The following AGAP1 variants were observed in gnomAD, a reference collection of about 807,000 sequenced individuals.
AGAP1 encodes arf-GAP with GTPase, ANK repeat and PH domain-containing protein 1.
In AGAP1, 29 loss-of-function variants were observed where a neutral mutation model predicts 105.3. The ratio of observed to expected loss-of-function variants is 0.28; its 90% CI spans 0.21 to 0.38. The LOEUF (loss-of-function observed/expected upper bound fraction) is 0.38. Among genes scored for constraint, AGAP1 ranks in the 10% least tolerant of loss-of-function variants. The pLI, the probability that AGAP1 is intolerant of heterozygous loss-of-function variation, is 1.00. For missense variants in AGAP1, 998 were observed against 1,165.1 expected (o/e 0.86, Z 2.09); for synonymous variants, 509 against 485.9 (o/e 1.05, Z -0.63).
chr2:235,938,938 G>GTAGA (rs2053121462), intron 12 of AGAP1, among the ~76,000 whole-genome samples: 1 of 152,146 alleles, frequency 6.6e-6, no homozygotes, highest in Non-Finnish European at 1.5e-5. Context: ...TAGAGATCTA[G>GTAGA]TCCATTTGGC....
Position 236,055,588 on chromosome 2 carries a change from C to T in AGAP1, c.2114+6307C>T, listed in dbSNP as rs572959684. On this transcript the variant is annotated intron_variant, in intron 16 of 17. Coordinates refer to ENST00000304032, the MANE Select transcript of AGAP1 (RefSeq NM_001037131.3). This position sits in a 1 kb window ranked among gnomAD's most constrained non-coding sequence, Gnocchi z 6.2. The stretch of plus-strand genomic sequence containing the variant: ...GCCTGCCCTGGCCCCAGCCGCAGAG[C>T]GGGTCCACCCTCCCAGTTTCCCCGT... Among the ~76,000 whole-genome samples, 4 of 152,394 alleles carry T rather than the reference C, an allele frequency of 2.6e-5. No individual in the cohort carries two copies. The highest frequency in any genetic ancestry group is 9.6e-5 in the African/African-American group (4 of 41,596).
chr2:235,952,058 T>A (rs571103973), intron 12 of AGAP1, among the ~76,000 whole-genome samples: 1 of 152,238 alleles, frequency 6.6e-6, no homozygotes, highest in Non-Finnish European at 1.5e-5. Flanking sequence ...ATCTTCTCAT[T>A]AACACCACAC....
At chr2:235,605,647 A>G (rs1329413604) in intron 1 of AGAP1, among the ~76,000 whole-genome samples, 1 of 152,254 alleles carries the variant, frequency 6.6e-6, no homozygotes, top group Non-Finnish European at 1.5e-5. Context: ...CAGGCACAGA[A>G]AAATTTAAGC....
At chr2:235,541,647 C>A (rs1386401075) in intron 1 of AGAP1, among the ~76,000 whole-genome samples, 1 of 152,056 alleles carries the variant, frequency 6.6e-6, no homozygotes, top group East Asian at 1.9e-4. Context: ...CCTCCGCCTC[C>A]CAAAGTGCTG....
chr2:235,764,637 C>T (rs1010341310), intron 6 of AGAP1, among the ~76,000 whole-genome samples: 1 of 152,162 alleles, frequency 6.6e-6, no homozygotes, highest in Non-Finnish European at 1.5e-5. Flanking sequence ...CATGTTCCCA[C>T]CCCTGATGGG....
intron 1 of AGAP1, among the ~76,000 whole-genome samples, chr2:235,628,222 A>T (rs1452892136): frequency 6.6e-6 from 1 of 152,126 alleles, no homozygotes; most frequent in Admixed American, 6.5e-5. Flanking sequence ...GCACCTGTGC[A>T]TTGCTGCCTA....
chr2:235,584,666 C>T (rs1277910185), intron 1 of AGAP1, among the ~76,000 whole-genome samples: 43 of 151,818 alleles, frequency 2.8e-4, no homozygotes, highest in Non-Finnish European at 4.4e-5. Context: ...GATTTTTGAA[C>T]TTCTGGCTTC....
At chr2:235,674,262 G>C (rs1004415714) in intron 1 of AGAP1, among the ~76,000 whole-genome samples, 2 of 152,234 alleles carry the variant, frequency 1.3e-5, no homozygotes, top group African/African-American at 4.8e-5. Flanking sequence ...AAGACCCTGT[G>C]TCAGATCAAG....
chr2:236,027,825 A>G lies in AGAP1; in HGVS notation c.1646-8736A>G, dbSNP rs1395992234. Among the ~76,000 whole-genome samples, 3 of 152,130 alleles carry G rather than the reference A, an allele frequency of 2.0e-5. No individual in the cohort carries two copies. Among genetic ancestry groups the G allele is most frequent in the South Asian group, 2.1e-4 (1 of 4,810 alleles). Reference sequence around the variant, plus strand: ...TCACAGGGAAAAGCGTGGCGTTTAGACCTGCCCTGTGATCACAGGGCCTTT... The same window carrying G: ...TCACAGGGAAAAGCGTGGCGTTTAGGCCTGCCCTGTGATCACAGGGCCTTT... On this transcript the variant is annotated intron_variant, in intron 13 of 17. Coordinates refer to ENST00000304032, the MANE Select transcript of AGAP1 (RefSeq NM_001037131.3). This position sits in a 1 kb window ranked among gnomAD's most constrained non-coding sequence, Gnocchi z 4.4.
chr2:236,065,146 C>T (rs1395162032), intron 16 of AGAP1, among the ~76,000 whole-genome samples: 4 of 152,228 alleles, frequency 2.6e-5, no homozygotes, highest in Non-Finnish European at 4.4e-5. Context: ...GCCTTCATCA[C>T]GGGCTTCGTC....
chr2:235,878,109 C>A (rs185363778), intron 9 of AGAP1, among the ~76,000 whole-genome samples: 143 of 152,262 alleles, frequency 9.4e-4, no homozygotes, highest in Non-Finnish European at 2.9e-4. Flanking sequence ...GGGCCATATT[C>A]CCATGTCAGA....
At position 235,958,881 on chromosome 2, in the gene AGAP1, T is replaced by C. The variant is rs968750108; in HGVS notation, c.1484-9581T>C. Among the ~76,000 whole-genome samples the C allele has an allele frequency of 6.6e-6, 1 of 152,244 alleles. No individual in the cohort carries two copies. Among genetic ancestry groups the C allele is most frequent in the African/African-American group, 2.4e-5 (1 of 41,474 alleles). On this transcript the variant is annotated intron_variant, in intron 12 of 17. Transcript: ENST00000304032. This position sits in a 1 kb window ranked among gnomAD's most constrained non-coding sequence, Gnocchi z 4.1. ...AAAGTGAAACTGCTTCTTTGACTCA[T>C]ACTTCACGTTCCGAAGCTCGGAGAG...
rs926592277 is a variant in AGAP1 at position 235,728,795 on chromosome 2, C to T, written c.310+11151C>T. On this transcript the variant is annotated intron_variant, in intron 3 of 17. Transcript: ENST00000304032. This position sits in a 1 kb window ranked among gnomAD's most constrained non-coding sequence, Gnocchi z 4.3. ...CGTGCCTAGTGGAGCAAGAGCGGGGCGGGGAGGAGGGGAAGCCAGCCTGCA... is the reference window on the plus strand; with the variant it reads ...CGTGCCTAGTGGAGCAAGAGCGGGGTGGGGAGGAGGGGAAGCCAGCCTGCA... 6.6e-6 allele frequency among the ~76,000 whole-genome samples: 1 copy of T among 151,976 alleles called. No individual in the cohort carries two copies. Among genetic ancestry groups the T allele is most frequent in the Non-Finnish European group, 1.5e-5 (1 of 68,004 alleles).
intron 1 of AGAP1, among the ~76,000 whole-genome samples, chr2:235,627,255 C>T (rs12995966): frequency 0.11 from 15,798 of 137,630 alleles, 1,214 homozygotes; most frequent in East Asian, 0.32. Flanking sequence ...TGCAGTGGCG[C>T]GATCTTGGTT....
At position 235,582,162 on chromosome 2, in the gene AGAP1, G is replaced by A. The variant is rs1944954372; in HGVS notation, c.163+87313G>A. Among the ~76,000 whole-genome samples the A allele has an allele frequency of 6.6e-6, 1 of 152,146 alleles. No individual in the cohort carries two copies. The highest frequency in any genetic ancestry group is 1.5e-5 in the Non-Finnish European group (1 of 68,018). On this transcript the variant is annotated intron_variant, in intron 1 of 17. Transcript: ENST00000304032. The surrounding 1 kb of genome is among the most constrained non-coding windows in gnomAD (Gnocchi z 4.7). ...GCAGAGACCCCTGGATCCTAGTGGT[G>A]GCCCCTGGTCACCAGATGTGAGCCC...
chr2:235,785,378 G>T (rs988167801), intron 6 of AGAP1, among the ~76,000 whole-genome samples: 22 of 152,136 alleles, frequency 1.4e-4, no homozygotes, highest in African/African-American at 4.3e-4. Context: ...TAATCAAACT[G>T]TGTTAATTTT....
chr2:235,954,119 A>G (rs946802889), intron 12 of AGAP1, among the ~76,000 whole-genome samples: 1 of 150,726 alleles, frequency 6.6e-6, no homozygotes, highest in Non-Finnish European at 1.5e-5. Context: ...CATGCCTGTA[A>G]TCCCAGCTAC....
chr2:235,930,774 C>T lies in AGAP1; in HGVS notation c.1334C>T (p.Thr445Ile), dbSNP rs1172194360. 15 of 1,613,722 alleles carry T rather than the reference C, an allele frequency of 9.3e-6. No homozygotes were observed. The African/African-American group carries it at 1.9e-4, about 20-fold the overall frequency. The change falls in exon 12 of 18, where the codon ACT becomes ATT. Residue 445 changes from threonine to isoleucine, a missense_variant. By Grantham distance (89) the Thr-to-Ile change is moderately conservative. Transcript: ENST00000304032. This position sits in a 1 kb window ranked among gnomAD's most constrained non-coding sequence, Gnocchi z 7.9. ...LHISPNSGNVTSASGSQMASG... is the reference protein window; with the variant it reads ...LHISPNSGNVISASGSQMASG... The stretch of plus-strand genomic sequence containing the variant: ...ACTTGTTTATTCCTAGGGAATGTCA[C>T]TAGTGCATCTGGGTCTCAGATGGCA...
intron 9 of AGAP1, among the ~76,000 whole-genome samples, chr2:235,829,531 T>TCA (rs1959191539): frequency 6.6e-6 from 1 of 152,208 alleles, no homozygotes; most frequent in Non-Finnish European, 1.5e-5. Flanking sequence ...ACTAGAGAAT[T>TCA]CACCACCACT....
Sources: gnomAD v4.1 joint callset for allele counts (sites outside exome capture counted in the v4.1 genomes callset) on GRCh38, gnomAD v4.1.1 for gene constraint, Gnocchi (gnomAD v3.1) non-coding constraint, MANE v1.5 for transcripts, NCBI Gene and HGNC (gene_info 2026-07-23, HGNC 2026-07-21) for gene names.